ALDH3A2: variants seen among roughly 807,000 people sequenced by gnomAD.
ALDH3A2 encodes aldehyde dehydrogenase 3 family member A2.
A neutral mutation model predicts 51.3 loss-of-function variants in ALDH3A2; 36 were observed. The ratio of observed to expected loss-of-function variants is 0.70; its 90% confidence interval spans 0.54 to 0.93. ALDH3A2 has a LOEUF of 0.93. Ranked by LOEUF, ALDH3A2 falls within the 40% of genes least tolerant of loss-of-function variation. The probability of loss-of-function intolerance (pLI) is 0.00; values close to 1 mark genes in which losing one functional copy is unlikely to be tolerated. For missense variants in ALDH3A2, 552 were observed against 603.1 expected, an observed-to-expected ratio of 0.92 and a Z score of 0.89; for synonymous variants, 199 against 219.8, an observed-to-expected ratio of 0.91 and a Z score of 0.84.
chr17:19,658,131 A>G (rs1253392654), intron 5 of ALDH3A2, among the ~76,000 whole-genome samples: 2 of 152,166 alleles, frequency 1.3e-5, no homozygotes, highest in Non-Finnish European at 2.9e-5. Flanking sequence ...AAAAAAGTTA[A>G]ATAATCGTGT....
At chr17:19,658,474 C>A (rs2152329014) in intron 5 of ALDH3A2, among the ~76,000 whole-genome samples, 1 of 151,680 alleles carries the variant, frequency 6.6e-6, no homozygotes, top group East Asian at 1.9e-4. Flanking sequence ...CCTGTAATCC[C>A]AGCACTTTGG....
At chr17:19,671,610 T>C (rs1808051701) in intron 8 of ALDH3A2, 111 bp from the exon 9 acceptor site, 7 of 919,816 alleles carry the variant, frequency 7.6e-6, no homozygotes, top group Non-Finnish European at 3.6e-6. Context: ...AGATGTTCAG[T>C]GGGGTTCCCA....
rs752758799 is a variant in ALDH3A2 at position 19,657,763 on chromosome 17, A to G, written c.699A>G (p.Lys233=). The change falls in exon 5 of 10, where the codon AAA becomes AAG. Residue 233 remains lysine (K), a synonymous_variant. Transcript: ENST00000176643. ...CCCTCAGACGCATAACCTGGGGAAA[A>G]TACATGAATTGTGGCCAAACCTGCA... ...DIVCRRITWG[K]YMNCGQTCIA... 3.1e-6 allele frequency: 5 copies of G among 1,613,502 alleles called. No individual in the cohort carries two copies. The highest frequency in any genetic ancestry group is 1.1e-5 in the South Asian group (1 of 91,070).
upstream of ALDH3A2, chr17:19,648,727 G>A (rs116904992): frequency 3.1e-3 from 1,798 of 580,496 alleles, 40 homozygotes; most frequent in East Asian, 0.042. Flanking sequence ...CAGGCCAATA[G>A]GGGTGAGGCT....
At chr17:19,660,724 T>G (rs371626466) in intron 5 of ALDH3A2, among the ~76,000 whole-genome samples, 1 of 152,224 alleles carries the variant, frequency 6.6e-6, no homozygotes, top group Non-Finnish European at 1.5e-5. Context: ...GGGTCTCTGC[T>G]GTAACTACCG....
intron 6 of ALDH3A2, among the ~76,000 whole-genome samples, chr17:19,662,862 G>A (rs112399040): frequency 1.1e-3 from 166 of 152,134 alleles, no homozygotes; most frequent in African/African-American, 3.3e-3. Flanking sequence ...AAAACTAGCC[G>A]GGCGTGGTGG....
Position 19,675,648 on chromosome 17 carries a change from T to C in ALDH3A2, c.*76T>C. On this transcript the variant is annotated 3_prime_UTR_variant, in exon 10 of 10. Transcript: ENST00000176643. ...TAAATGGTTAATGAACCAATAATTT[T>C]TAAATCATACCAAAAATAGTAAGAA... 6.9e-7 allele frequency: 1 copy of C among 1,450,038 alleles called. No individual in the cohort carries two copies. Among genetic ancestry groups the C allele is most frequent in the Non-Finnish European group, 9.7e-7 (1 of 1,031,314 alleles). 89.8% of individuals were successfully genotyped at this position (1,450,038 alleles called of 1,614,324 possible).
At chr17:19,664,897 G>A in intron 7 of ALDH3A2, 51 bp from the exon 8 acceptor site, 1 of 1,333,610 alleles carries the variant, frequency 7.5e-7, no homozygotes, top group Non-Finnish European at 1.1e-6. Context: ...GGCCATGAGT[G>A]TTCCCTAAGG....
At chr17:19,672,132 C>T (rs909636166) in intron 9 of ALDH3A2, among the ~76,000 whole-genome samples, 176 bp downstream of exon 9, 8 of 152,284 alleles carry the variant, frequency 5.3e-5, no homozygotes, top group African/African-American at 1.7e-4. Context: ...CACAGCCACA[C>T]CCACTTGTTT....
intron 8 of ALDH3A2, among the ~76,000 whole-genome samples, chr17:19,670,762 G>C (rs1009209186): frequency 2.0e-5 from 3 of 152,132 alleles, no homozygotes; most frequent in African/African-American, 7.2e-5. Context: ...GGGATTTAAC[G>C]ATGTTGGCCA....
In ALDH3A2 at chr17:19,648,920, C is replaced by G. The variant is rs1022955867; in HGVS notation, c.-52C>G. The G allele has an allele frequency of 1.5e-5, 23 of 1,540,874 alleles. No individual in the cohort carries two copies. The highest frequency in any genetic ancestry group is 1.1e-5 in the Non-Finnish European group (13 of 1,142,144). On this transcript the variant is annotated 5_prime_UTR_variant, in exon 1 of 10. Transcript: ENST00000176643. ...GAGGCCTGCACCTGCATGCTTCCCG[C>G]CTCCCACTCCCCAGCGCCCCCGGAC...
rs796582104 is a variant in ALDH3A2 at position 19,663,242 on chromosome 17, C to G, written c.941-91C>G. On this transcript the variant is annotated intron_variant, in intron 6 of 9. Coordinates refer to ENST00000176643, the MANE Select transcript of ALDH3A2 (RefSeq NM_000382.3). Reference sequence around the variant, plus strand: ...ATGACTTGGGTGGGAGAGGGAAAGGCATGGATAAGTGACCCAATGAAAGAG... The same window carrying G: ...ATGACTTGGGTGGGAGAGGGAAAGGGATGGATAAGTGACCCAATGAAAGAG... 8 of 1,448,232 alleles carry G rather than the reference C, an allele frequency of 5.5e-6. No homozygotes were observed. The African/African-American group carries it at 1.1e-4, about 20-fold the overall frequency. 89.7% of individuals were successfully genotyped at this position (1,448,232 alleles called of 1,614,324 possible).
At chr17:19,653,710 C>T (rs2084852103) in intron 3 of ALDH3A2, among the ~76,000 whole-genome samples, 1 of 152,184 alleles carries the variant, frequency 6.6e-6, no homozygotes, top group African/African-American at 2.4e-5. Flanking sequence ...GAGTGAGCAG[C>T]AGCAGCAAGA....
At chr17:19,666,676 C>T (rs2085041766) in intron 8 of ALDH3A2, among the ~76,000 whole-genome samples, 1 of 151,908 alleles carries the variant, frequency 6.6e-6, no homozygotes, top group African/African-American at 2.4e-5. Flanking sequence ...ACCAGGGAGG[C>T]TGAGGCAGGA....
At position 19,651,774 on chromosome 17, in the gene ALDH3A2, T is replaced by C; in HGVS notation, c.381T>C (p.Ala127=). The C allele has an allele frequency of 6.2e-7, 1 of 1,613,996 alleles. No individual in the cohort carries two copies. The change falls in exon 2 of 10, where the codon GCT becomes GCC. Residue 127 remains alanine (A), a synonymous_variant. Transcript: ENST00000176643. ...LTIQPLIGAI[A]AGNAVIIKPS... ...TTCAGCCACTGATAGGAGCCATCGCTGCAGGTCTGGTGCCACCTTATGTCT... is the reference window on the plus strand; with the variant it reads ...TTCAGCCACTGATAGGAGCCATCGCCGCAGGTCTGGTGCCACCTTATGTCT...
At chr17:19,667,627 C>G (rs554717721) in intron 8 of ALDH3A2, among the ~76,000 whole-genome samples, 32 of 152,110 alleles carry the variant, frequency 2.1e-4, no homozygotes, top group African/African-American at 7.7e-4. Context: ...GGTGTGATCT[C>G]AGCTCATTGC....
chr17:19,672,014 G>A (rs2152333347), intron 9 of ALDH3A2, 58 bp downstream of exon 9: 2 of 1,436,346 alleles, frequency 1.4e-6, no homozygotes. Flanking sequence ...ATGGCTGCCA[G>A]ATGCATATTC....
In ALDH3A2 at chr17:19,661,188, A is replaced by AT. The variant is rs778832796; in HGVS notation, c.864dup (p.Lys289Ter). ...TATGAAAGGATCATCAATCTTCGTCATTTTAAGAGGATACTAAGTTTGCTT... is the reference window on the plus strand; with the variant it reads ...TATGAAAGGATCATCAATCTTCGTCATTTTTAAGAGGATACTAAGTTTGCTT... On this transcript the variant is annotated frameshift_variant, in exon 6 of 10. Transcript: ENST00000176643. LOFTEE classifies it high-confidence loss of function. 1.2e-6 allele frequency: 2 copies of AT among 1,613,942 alleles called. No individual in the cohort carries two copies. Among genetic ancestry groups the AT allele is most frequent in the Non-Finnish European group, 1.7e-6 (2 of 1,179,836 alleles).
chr17:19,671,574 C>A, intron 8 of ALDH3A2, 147 bp from the exon 9 acceptor site: 1 of 747,894 alleles, frequency 1.3e-6, no homozygotes, highest in Non-Finnish European at 2.3e-6. Flanking sequence ...TAAGGACTTC[C>A]TGAAAAGAGA....
Sources: allele counts gnomAD v4.1 joint callset (sites outside exome capture counted in the v4.1 genomes callset), GRCh38; gene constraint gnomAD v4.1.1; transcripts MANE v1.5; gene names NCBI Gene and HGNC (gene_info 2026-07-23, HGNC 2026-07-21).